Variants in LRRC4C observed in about 807,000 individuals in gnomAD.
LRRC4C encodes leucine rich repeat containing 4C.
Under a neutral mutation model 33.6 loss-of-function variants are expected in LRRC4C, and 5 were observed. The observed-to-expected ratio is 0.15, with a 90% CI of 0.08 to 0.31. The LOEUF is 0.31. Ranked by LOEUF, LRRC4C falls within the 10% of genes least tolerant of loss-of-function variation. The pLI, the probability that LRRC4C is intolerant of heterozygous loss-of-function variation, is 1.00. For synonymous variants in LRRC4C, 329 were observed against 302.0 expected, an observed-to-expected ratio of 1.09 and a Z score of -0.93; for missense variants, 560 against 796.7, an observed-to-expected ratio of 0.70 and a Z score of 3.58.
intron 3 of LRRC4C, among the ~76,000 whole-genome samples, chr11:40,420,563 A>T (rs887746127): frequency 6.6e-6 from 1 of 152,140 alleles, no homozygotes; most frequent in Non-Finnish European, 1.5e-5. Flanking sequence ...TTCTTGGGGG[A>T]CTAACACAAA....
rs564268800 is a variant in LRRC4C, at chr11:40,162,506, C to T, written c.-95-21653G>A. Among the ~76,000 whole-genome samples the T allele has an allele frequency of 7.2e-5, 11 of 152,186 alleles. No homozygotes were observed. In the East Asian group the frequency reaches 2.1e-3, roughly 30 times the overall value. On this transcript the variant is annotated intron_variant, in intron 5 of 6. Coordinates refer to ENST00000528697, the MANE Select transcript of LRRC4C (RefSeq NM_001258419.2). Reference sequence around the variant, plus strand: ...CTCTCTTGATGACTGAGATTTCTGCCATGACTCTGGAATTTGGGAGATCAC... The same window carrying T: ...CTCTCTTGATGACTGAGATTTCTGCTATGACTCTGGAATTTGGGAGATCAC...
intron 3 of LRRC4C, among the ~76,000 whole-genome samples, chr11:40,523,685 C>G (rs1003741516): frequency 1.7e-4 from 26 of 151,654 alleles, no homozygotes; most frequent in Non-Finnish European, 5.9e-5. Context: ...GTAAACTTCA[C>G]TCTCCAATGG....
At chr11:41,010,781 A>G (rs1233535227) in intron 1 of LRRC4C, among the ~76,000 whole-genome samples, 1 of 152,160 alleles carries the variant, frequency 6.6e-6, no homozygotes, top group Non-Finnish European at 1.5e-5. Flanking sequence ...CTATCAGCAC[A>G]TGGCTATGTC....
chr11:40,820,557 A>G (rs1192369479), intron 2 of LRRC4C, among the ~76,000 whole-genome samples: 3 of 151,992 alleles, frequency 2.0e-5, no homozygotes, highest in African/African-American at 4.8e-5. Context: ...TTGAAAATAA[A>G]TTCATTTTAT....
At chr11:40,196,667 A>T (rs1175514213) in intron 5 of LRRC4C, among the ~76,000 whole-genome samples, 1 of 152,220 alleles carries the variant, frequency 6.6e-6, no homozygotes, top group African/African-American at 2.4e-5. Context: ...GGCAGAGTAG[A>T]TCTAAGATTT....
At chr11:40,121,067 T>C (rs1285973346) in intron 6 of LRRC4C, among the ~76,000 whole-genome samples, 1 of 152,148 alleles carries the variant, frequency 6.6e-6, no homozygotes, top group Non-Finnish European at 1.5e-5. Flanking sequence ...GATGAGACAC[T>C]CAGTTTCTTC....
chr11:40,290,503 A>C (rs982239236), intron 4 of LRRC4C, among the ~76,000 whole-genome samples: 12 of 152,206 alleles, frequency 7.9e-5, no homozygotes, highest in African/African-American at 1.4e-4. Flanking sequence ...GAAAAGGATA[A>C]GAATAGATGA....
intron 3 of LRRC4C, among the ~76,000 whole-genome samples, chr11:40,409,819 T>C (rs1201775057): frequency 2.0e-5 from 3 of 152,098 alleles, no homozygotes; most frequent in African/African-American, 7.2e-5. Context: ...GGAAATGATA[T>C]GGAGGTTCCT....
At chr11:40,883,197 C>A (rs1955270979) in intron 2 of LRRC4C, among the ~76,000 whole-genome samples, 1 of 152,002 alleles carries the variant, frequency 6.6e-6, no homozygotes, top group African/African-American at 2.4e-5. Flanking sequence ...ATCTTCCAAT[C>A]CAGCTACTTA....
intron 1 of LRRC4C, among the ~76,000 whole-genome samples, chr11:40,994,364 C>T (rs996453825): frequency 6.6e-6 from 1 of 152,114 alleles, no homozygotes; most frequent in African/African-American, 2.4e-5. Context: ...GTTGGCAATA[C>T]TCTACCTAGA....
intron 3 of LRRC4C, among the ~76,000 whole-genome samples, chr11:40,560,486 C>G (rs1957507332): frequency 6.6e-6 from 1 of 151,218 alleles, no homozygotes; most frequent in Non-Finnish European, 1.5e-5. Context: ...TATTCTAAGA[C>G]CCAGTGAAAG....
At chr11:41,228,295 A>G (rs1166741854) in intron 1 of LRRC4C, among the ~76,000 whole-genome samples, 7 of 152,116 alleles carry the variant, frequency 4.6e-5, no homozygotes, top group Non-Finnish European at 8.8e-5. Context: ...AGAGAGATAG[A>G]CAGACAATCT....
At chr11:40,834,911 G>GACAGACAGACAGACACACACACACAC (rs748483585) in intron 2 of LRRC4C, among the ~76,000 whole-genome samples, 249 of 84,916 alleles carry the variant, frequency 2.9e-3, no homozygotes, top group Middle Eastern at 6.3e-3. Flanking sequence ...CAGACAGACA[G>GACAGACAGACAGACACACACACACAC]ACACACACAC....
In LRRC4C at chr11:40,358,367, A is replaced by AC. The variant is rs765134721; in HGVS notation, c.-269-38647dup. 3.3e-4 allele frequency among the ~76,000 whole-genome samples: 50 copies of AC among 151,842 alleles called. 1 individual carries two copies. The highest frequency in any genetic ancestry group is 1.0e-3 in the South Asian group (5 of 4,808). On this transcript the variant is annotated intron_variant, in intron 3 of 6. Coordinates refer to ENST00000528697, the MANE Select transcript of LRRC4C (RefSeq NM_001258419.2). ...GGGATCTTGGCTAACTGCAAGCTTC[A>AC]CCTCCGGGGCTTAAGCAATCCTCTC... is the stretch of plus-strand genomic sequence containing the variant.
chr11:40,912,568 A>C (rs1323724783), intron 2 of LRRC4C, among the ~76,000 whole-genome samples: 1 of 152,224 alleles, frequency 6.6e-6, no homozygotes, highest in Non-Finnish European at 1.5e-5. Context: ...GAAAGGAACA[A>C]CTGGTACCAG....
At chr11:41,269,559 A>G (rs1949256813) in intron 1 of LRRC4C, among the ~76,000 whole-genome samples, 2 of 152,106 alleles carry the variant, frequency 1.3e-5, no homozygotes, top group South Asian at 4.1e-4. Flanking sequence ...ACCAGGGAGA[A>G]GGTAGTCTGG....
At chr11:40,581,808 C>T (rs1007551434) in intron 3 of LRRC4C, among the ~76,000 whole-genome samples, 2 of 152,138 alleles carry the variant, frequency 1.3e-5, no homozygotes, top group African/African-American at 4.8e-5. Flanking sequence ...GAGCCTGAGG[C>T]AGGAGAATCG....
At chr11:40,581,973 ATTT>A (rs1958488755) in intron 3 of LRRC4C, among the ~76,000 whole-genome samples, 1 of 152,158 alleles carries the variant, frequency 6.6e-6, no homozygotes, top group African/African-American at 2.4e-5. Context: ...GTTTCCTGAA[ATTT>A]TATATACAGT....
At position 40,140,665 on chromosome 11, in the gene LRRC4C, C is replaced by T. The variant is rs17385132; in HGVS notation, c.-43+136G>A. 4,623 of 152,418 alleles carry T rather than the reference C, an allele frequency of 0.03. 102 individuals are homozygous for T. The highest frequency in any genetic ancestry group is 0.044 in the Non-Finnish European group (2,993 of 67,942). The allele number at this position is 152,418 out of a possible 1,614,324, so 9.4% of individuals were successfully genotyped here. On this transcript the variant is annotated intron_variant, in intron 6 of 6. Transcript: ENST00000528697. ...TAGTGGTTTTCAGTAGCTGGACTTC[C>T]CACAAATTGCTCGTGCTAGCAAAAC...
Sources: gnomAD v4.1 joint callset for allele counts (sites outside exome capture counted in the v4.1 genomes callset) on GRCh38, gnomAD v4.1.1 for gene constraint, MANE v1.5 for transcripts, NCBI Gene and HGNC (gene_info 2026-07-23, HGNC 2026-07-21) for gene names.